Variants in CTNNA2 observed in about 807,000 individuals in gnomAD.
CTNNA2 encodes catenin alpha-2.
In CTNNA2, 42 loss-of-function variants were observed where a neutral mutation model predicts 101.0. The ratio of observed to expected loss-of-function variants is 0.42; its 90% CI spans 0.32 to 0.54. The LOEUF (loss-of-function observed/expected upper bound fraction) is 0.54. Ranked by LOEUF, CTNNA2 falls within the 20% of genes least tolerant of loss-of-function variation. CTNNA2 has a pLI of 0.14. For missense variants in CTNNA2, 871 were observed against 1,223.1 expected, an observed-to-expected ratio of 0.71 and a Z score of 4.29; for synonymous variants, 450 against 456.4, an observed-to-expected ratio of 0.99 and a Z score of 0.18.
At chr2:79,825,416 G>C in intron 3 of CTNNA2, among the ~76,000 whole-genome samples, 1 of 152,110 alleles carries the variant, frequency 6.6e-6, no homozygotes, top group East Asian at 1.9e-4. Context: ...AATAGTGACA[G>C]TGATGATTAA....
chr2:79,666,622 A>C (rs1280662629), intron 2 of CTNNA2, among the ~76,000 whole-genome samples: 1 of 152,234 alleles, frequency 6.6e-6, no homozygotes, highest in Non-Finnish European at 1.5e-5. Flanking sequence ...ATGGTGCTTG[A>C]TAAGTGCTGA....
chr2:80,303,783 G>A lies in CTNNA2; in HGVS notation c.1057-89428G>A. The A allele has an allele frequency of 6.4e-7, 1 of 1,558,426 alleles. No individual in the cohort carries two copies. The highest frequency in any genetic ancestry group is 8.7e-7 in the Non-Finnish European group (1 of 1,153,770). ...ACCACCCCCGAGGGCCTCCTCAGCA[G>A]CCAGTATAGACAGAGACCGAGCAGC... is the stretch of plus-strand genomic sequence containing the variant. On this transcript the variant is annotated intron_variant, in intron 7 of 18. Coordinates refer to ENST00000402739, the MANE Select transcript of CTNNA2 (RefSeq NM_001282597.3). The surrounding 1 kb of genome is among the most constrained non-coding windows in gnomAD (Gnocchi z 7.7).
At chr2:79,359,899 G>A (rs866493382) in intron 3 of CTNNA2, among the ~76,000 whole-genome samples, 1 of 152,076 alleles carries the variant, frequency 6.6e-6, no homozygotes, top group African/African-American at 2.4e-5. Context: ...ATAATGCTTA[G>A]GAATTATGTG....
chr2:80,443,232 A>C (rs1446894921), intron 9 of CTNNA2, among the ~76,000 whole-genome samples: 1 of 152,210 alleles, frequency 6.6e-6, no homozygotes, highest in East Asian at 1.9e-4. Flanking sequence ...TGATGGAAGT[A>C]AAACAGCTCT....
intron 9 of CTNNA2, among the ~76,000 whole-genome samples, chr2:80,540,364 A>C (rs1029793046): frequency 2.0e-5 from 3 of 152,162 alleles, no homozygotes; most frequent in Non-Finnish European, 2.9e-5. Context: ...TGGGAGGCCG[A>C]GGCAAGTGGA....
chr2:79,387,057 T>A (rs1678113941), intron 4 of CTNNA2, among the ~76,000 whole-genome samples: 1 of 152,198 alleles, frequency 6.6e-6, no homozygotes, highest in African/African-American at 2.4e-5. Context: ...GTTGTCTCTG[T>A]TTTTGCTTTT....
chr2:79,480,482 C>T (rs752352757), intron 4 of CTNNA2, among the ~76,000 whole-genome samples: 3 of 152,106 alleles, frequency 2.0e-5, no homozygotes, highest in Non-Finnish European at 4.4e-5. Flanking sequence ...CTTCTATTAT[C>T]CCTTAAATTA....
At chr2:79,937,730 T>TA (rs771032433) in intron 7 of CTNNA2, among the ~76,000 whole-genome samples, 4 of 152,186 alleles carry the variant, frequency 2.6e-5, no homozygotes, top group Non-Finnish European at 4.4e-5. Context: ...TGGAGAGGCT[T>TA]AAAGTAAAAG....
At chr2:80,385,106 A>G (rs1559065206) in intron 7 of CTNNA2, among the ~76,000 whole-genome samples, 2 of 152,302 alleles carry the variant, frequency 1.3e-5, no homozygotes, top group Admixed American at 6.5e-5. Flanking sequence ...TATAATGACA[A>G]GCAAAACAAT....
intron 2 of CTNNA2, among the ~76,000 whole-genome samples, chr2:79,665,234 A>C (rs1358864979): frequency 6.6e-6 from 1 of 152,020 alleles, no homozygotes; most frequent in East Asian, 1.9e-4. Flanking sequence ...CTGCCTTCTG[A>C]TTTTTTGACA....
rs373845882 is a variant in CTNNA2 at position 80,161,161 on chromosome 2, G to T, written c.1057-232050G>T. On this transcript the variant is annotated intron_variant, in intron 7 of 18. Coordinates refer to ENST00000402739, the MANE Select transcript of CTNNA2 (RefSeq NM_001282597.3). The stretch of plus-strand genomic sequence containing the variant: ...TCCTGGAGTAGCTAGAATTACAGGC[G>T]CATGCCACCACACCCAGCTAATTTT... 3.9e-4 allele frequency among the ~76,000 whole-genome samples: 60 copies of T among 152,044 alleles called. No homozygotes were observed. In the East Asian group the frequency reaches 9.3e-3, roughly 24 times the overall value.
At chr2:80,634,929 G>A (rs750225379) in intron 18 of CTNNA2, among the ~76,000 whole-genome samples, 1 of 152,112 alleles carries the variant, frequency 6.6e-6, no homozygotes, top group Non-Finnish European at 1.5e-5. Context: ...GTCAGGTTAG[G>A]GGCAAGGGTG....
intron 13 of CTNNA2, among the ~76,000 whole-genome samples, chr2:80,578,689 T>G (rs1695272802): frequency 6.6e-6 from 1 of 152,202 alleles, no homozygotes; most frequent in South Asian, 2.1e-4. Context: ...GTTAAAATCA[T>G]GGGCTCTGAA....
chr2:79,575,338 A>G (rs1244949898), intron 1 of CTNNA2: 1 of 152,198 alleles, frequency 6.6e-6, no homozygotes, highest in Non-Finnish European at 1.5e-5. Flanking sequence ...TTGAGGTTCC[A>G]CCATTTCCTG....
chr2:79,449,163 C>T (rs1678863192), intron 4 of CTNNA2, among the ~76,000 whole-genome samples: 1 of 151,892 alleles, frequency 6.6e-6, no homozygotes, highest in Non-Finnish European at 1.5e-5. Flanking sequence ...AAAATCTTTA[C>T]AGGAAATTGG....
intron 8 of CTNNA2, among the ~76,000 whole-genome samples, chr2:80,395,127 G>A (rs1203621113): frequency 6.6e-6 from 1 of 152,090 alleles, no homozygotes; most frequent in Non-Finnish European, 1.5e-5. Flanking sequence ...TTTTAGCAGA[G>A]GACAGTGGTA....
chr2:80,211,685 G>T (rs559043528), intron 7 of CTNNA2, among the ~76,000 whole-genome samples: 3 of 152,192 alleles, frequency 2.0e-5, no homozygotes, highest in Admixed American at 6.5e-5. Context: ...GCTGAGGATT[G>T]TCTTGGCAAT....
At chr2:79,721,198 T>C (rs1292361929) in intron 2 of CTNNA2, among the ~76,000 whole-genome samples, 1 of 152,174 alleles carries the variant, frequency 6.6e-6, no homozygotes, top group Admixed American at 6.5e-5. Context: ...TAGTCTGTTT[T>C]TTGTTGCTAT....
chr2:79,476,598 A>C (rs1671053741), intron 4 of CTNNA2, among the ~76,000 whole-genome samples: 1 of 152,212 alleles, frequency 6.6e-6, no homozygotes, highest in Non-Finnish European at 1.5e-5. Context: ...TGAGAAACAC[A>C]TGCTATGCAC....
Sources: gnomAD v4.1 joint callset for allele counts (sites outside exome capture counted in the v4.1 genomes callset) on GRCh38, gnomAD v4.1.1 for gene constraint, Gnocchi (gnomAD v3.1) non-coding constraint, MANE v1.5 for transcripts, NCBI Gene and HGNC (gene_info 2026-07-23, HGNC 2026-07-21) for gene names.